The following CCBE1 variants were observed in gnomAD, a reference collection of about 807,000 sequenced individuals.
The protein encoded by CCBE1 is collagen and calcium binding EGF domains 1.
CCBE1 carries 37 observed loss-of-function variants against 50.0 expected under a neutral mutation model. The observed-to-expected ratio is 0.74, with a 90% CI of 0.57 to 0.97. CCBE1 has a LOEUF of 0.97. Among genes scored for constraint, CCBE1 ranks in the 50% least tolerant of loss-of-function variants. The pLI is 0.00. For missense variants in CCBE1, 538 were observed against 523.8 expected (o/e 1.03, Z -0.26); for synonymous variants, 234 against 203.7 (o/e 1.15, Z -1.27).
intron 2 of CCBE1, among the ~76,000 whole-genome samples, chr18:59,578,390 A>C (rs1170750186): frequency 6.6e-6 from 1 of 152,194 alleles, no homozygotes; most frequent in East Asian, 1.9e-4. Flanking sequence ...ACAGTGTGGC[A>C]ATTCCTCAAG....
At position 59,463,196 on chromosome 18, in the gene CCBE1, C is replaced by T. The variant is rs1025006126; in HGVS notation, c.553+3543G>A. Among the ~76,000 whole-genome samples the T allele has an allele frequency of 5.3e-5, 8 of 152,354 alleles. No homozygotes were observed. In the East Asian group the frequency reaches 5.8e-4, roughly 11 times the overall value. On this transcript the variant is annotated intron_variant, in intron 5 of 10. Transcript: ENST00000439986. ...TCCCCCTTTCCCACCCTAGCCTGCC[C>T]CCAGCCCTTTCTGGGCCCACACTGC...
upstream of CCBE1, chr18:59,697,678 C>T (rs1191412604): frequency 1.4e-5 from 4 of 277,570 alleles, no homozygotes; most frequent in East Asian, 2.8e-4. Context: ...GGGGCTGCGC[C>T]CTCGCCTCTT....
intron 3 of CCBE1, among the ~76,000 whole-genome samples, chr18:59,474,982 T>C (rs1184270768): frequency 6.6e-6 from 1 of 152,208 alleles, no homozygotes; most frequent in Non-Finnish European, 1.5e-5. Flanking sequence ...CTCGTGGGTT[T>C]GTCTTTTGTG....
intron 2 of CCBE1, among the ~76,000 whole-genome samples, chr18:59,680,257 C>T (rs988799927): frequency 4.0e-5 from 6 of 151,344 alleles, no homozygotes; most frequent in East Asian, 2.0e-4. Flanking sequence ...ACAAAGGAGC[C>T]GATCAGATAC....
chr18:59,626,376 T>G (rs1944996), intron 2 of CCBE1, among the ~76,000 whole-genome samples: 85,733 of 151,990 alleles, frequency 0.56, 26,076 homozygotes, highest in African/African-American at 0.79. Context: ...TCCAGATAAA[T>G]GTGGAAAAGG....
intron 7 of CCBE1, among the ~76,000 whole-genome samples, chr18:59,443,026 C>A (rs1040078149): frequency 4.6e-5 from 7 of 152,066 alleles, no homozygotes; most frequent in Non-Finnish European, 8.8e-5. Flanking sequence ...TTTTCAGAGG[C>A]CTGTATCGAC....
intron 2 of CCBE1, among the ~76,000 whole-genome samples, chr18:59,572,696 G>T (rs954347640): frequency 6.6e-6 from 1 of 152,156 alleles, no homozygotes; most frequent in Non-Finnish European, 1.5e-5. Context: ...TAATAGGGAG[G>T]CAGGGACAGT....
intron 2 of CCBE1, among the ~76,000 whole-genome samples, chr18:59,648,263 G>T (rs1366516433): frequency 1.3e-5 from 2 of 152,178 alleles, no homozygotes; most frequent in Non-Finnish European, 2.9e-5. Flanking sequence ...GTGGAGAAAA[G>T]AAAGAAGAAC....
chr18:59,455,522 G>A (rs1458179641), intron 5 of CCBE1, among the ~76,000 whole-genome samples: 1 of 152,146 alleles, frequency 6.6e-6, no homozygotes, highest in African/African-American at 2.4e-5. Flanking sequence ...AACGCAGTCG[G>A]GCCCAACCAC....
At chr18:59,624,992 G>C (rs555522215) in intron 2 of CCBE1, among the ~76,000 whole-genome samples, 1 of 152,332 alleles carries the variant, frequency 6.6e-6, no homozygotes, top group South Asian at 2.1e-4. Context: ...CTAAATCTCT[G>C]GAGGATGGGA....
chr18:59,697,616 T>G, upstream of CCBE1: 8 of 453,700 alleles, frequency 1.8e-5, no homozygotes, highest in East Asian at 1.3e-4. Context: ...GAGGTTCAAG[T>G]TGTCTCGTCG....
intron 2 of CCBE1, among the ~76,000 whole-genome samples, chr18:59,488,564 T>C (rs1217325366): frequency 6.6e-6 from 1 of 152,158 alleles, no homozygotes; most frequent in Non-Finnish European, 1.5e-5. Flanking sequence ...AGCGATGATC[T>C]TTTCATAAAT....
intron 2 of CCBE1, among the ~76,000 whole-genome samples, chr18:59,652,888 T>C (rs1198889200): frequency 6.6e-6 from 1 of 151,406 alleles, no homozygotes; most frequent in Admixed American, 6.6e-5. Flanking sequence ...GGTGTGAACC[T>C]GGGAGGCGGA....
intron 2 of CCBE1, among the ~76,000 whole-genome samples, chr18:59,664,372 G>A (rs570701061): frequency 1.1e-4 from 16 of 152,262 alleles, no homozygotes; most frequent in African/African-American, 3.6e-4. Context: ...AGAGAGAAAG[G>A]ACAGTCCATA....
chr18:59,459,396 C>A (rs1048768801), intron 5 of CCBE1, among the ~76,000 whole-genome samples: 1 of 152,192 alleles, frequency 6.6e-6, no homozygotes, highest in Non-Finnish European at 1.5e-5. Flanking sequence ...GCTACATTAA[C>A]AGTTTACTTA....
chr18:59,661,043 C>T (rs2054277786), intron 2 of CCBE1, among the ~76,000 whole-genome samples: 1 of 150,594 alleles, frequency 6.6e-6, no homozygotes, highest in African/African-American at 2.4e-5. Context: ...ATTTTTTTCT[C>T]CCCTTGGCCA....
intron 2 of CCBE1, among the ~76,000 whole-genome samples, chr18:59,628,796 A>G (rs563251029): frequency 1.1e-4 from 16 of 152,130 alleles, no homozygotes; most frequent in Non-Finnish European, 1.8e-4. Flanking sequence ...AGCTCCCCAA[A>G]TCTGCTTTCT....
intron 2 of CCBE1, among the ~76,000 whole-genome samples, chr18:59,497,104 G>A (rs1351439676): frequency 6.6e-6 from 1 of 152,122 alleles, no homozygotes; most frequent in Non-Finnish European, 1.5e-5. Flanking sequence ...TATAATACAT[G>A]TCCACTAAAG....
intron 7 of CCBE1, among the ~76,000 whole-genome samples, chr18:59,443,324 G>T (rs1910523503): frequency 6.6e-6 from 1 of 152,202 alleles, no homozygotes; most frequent in South Asian, 2.1e-4. Flanking sequence ...AGCTGTGTCT[G>T]TGGGGCAGCA....
Sources: gnomAD v4.1 joint callset for allele counts (sites outside exome capture counted in the v4.1 genomes callset) on GRCh38, gnomAD v4.1.1 for gene constraint, MANE v1.5 for transcripts, NCBI Gene and HGNC (gene_info 2026-07-23, HGNC 2026-07-21) for gene names.